The following MTHFD2 variants were observed in gnomAD, a reference collection of about 807,000 sequenced individuals.
MTHFD2 encodes methylenetetrahydrofolate dehydrogenase (NADP+ dependent) 2, methenyltetrahydrofolate cyclohydrolase, also known as bifunctional methylenetetrahydrofolate dehydrogenase/cyclohydrolase, mitochondrial.
In MTHFD2, 26 loss-of-function variants were observed where a neutral mutation model predicts 36.8. That is an observed-to-expected ratio of 0.71 (90% CI 0.52 to 0.98). MTHFD2 has a LOEUF of 0.98. MTHFD2 is among the 50% of genes least tolerant of loss of function. The probability of loss-of-function intolerance (pLI) is 0.00; values close to 1 mark genes in which losing one functional copy is unlikely to be tolerated. For missense variants in MTHFD2, 373 were observed against 434.0 expected, an observed-to-expected ratio of 0.86 and a Z score of 1.25; for synonymous variants, 164 against 155.2, an observed-to-expected ratio of 1.06 and a Z score of -0.42.
chr2:74,212,369 G>A (rs1005223878), intron 7 of MTHFD2, among the ~76,000 whole-genome samples: 11 of 144,446 alleles, frequency 7.6e-5, no homozygotes, highest in African/African-American at 2.3e-4. Context: ...AGCTTCAAGC[G>A]ATTCTTGTGC....
intron 5 of MTHFD2, among the ~76,000 whole-genome samples, chr2:74,210,790 T>TTG (rs1256009719): frequency 1.3e-5 from 2 of 150,206 alleles, no homozygotes; most frequent in African/African-American, 4.9e-5. Context: ...AGTCAGTTTT[T>TTG]TTTTTTTTTT....
intron 1 of MTHFD2, among the ~76,000 whole-genome samples, chr2:74,202,899 A>G (rs150283293): frequency 2.6e-5 from 4 of 152,294 alleles, no homozygotes; most frequent in African/African-American, 9.6e-5. Context: ...TATGTTTTCA[A>G]TTTCTTCATA....
intron 4 of MTHFD2, 101 bp downstream of exon 4, chr2:74,208,822 C>T: frequency 8.2e-7 from 1 of 1,219,798 alleles, no homozygotes; most frequent in African/African-American, 1.5e-5. Context: ...AACCCTACTG[C>T]ATATCCTCTA....
intron 2 of MTHFD2, 122 bp downstream of exon 2, chr2:74,206,011 T>C: frequency 3.9e-6 from 4 of 1,032,954 alleles, no homozygotes; most frequent in Non-Finnish European, 5.6e-6. Context: ...CTAATGTGAT[T>C]GAACTGTATC....
In MTHFD2 at chr2:74,213,842, T is replaced by G. The variant is rs574285879; in HGVS notation, c.890-237T>G. ...CCCACACAGTTAACCTACTAGATAT[T>G]TCTTTAATAGATTTCTTTATAGGTT... On this transcript the variant is annotated intron_variant, in intron 7 of 7. Transcript: ENST00000394053. Among the ~76,000 whole-genome samples the G allele has an allele frequency of 2.9e-3, 448 of 152,352 alleles. 3 individuals carry two copies. The highest frequency in any genetic ancestry group is 4.7e-3 in the Non-Finnish European group (321 of 68,034).
At chr2:74,207,940 ACT>A (rs1377460790) in intron 3 of MTHFD2, 114 bp downstream of exon 3, 1 of 1,085,188 alleles carries the variant, frequency 9.2e-7, no homozygotes, top group Non-Finnish European at 1.3e-6. Flanking sequence ...TCCTTGTCTC[ACT>A]CTGTCACCCA....
In MTHFD2 at chr2:74,216,595, ACTTT is replaced by A; in HGVS notation, c.*2354_*2357del. 6.6e-6 allele frequency: 1 copy of A among 152,124 alleles called. No individual in the cohort carries two copies. Among genetic ancestry groups the A allele is most frequent in the African/African-American group, 2.4e-5 (1 of 41,414 alleles). 9.4% of individuals were successfully genotyped at this position (152,124 alleles called of 1,614,324 possible). On this transcript the variant is annotated 3_prime_UTR_variant, in exon 8 of 8. Transcript: ENST00000394053. ...CCCAGGATTGGTGTGGATGATAAAT[ACTTT>A]TTTTAAAAATTAATTATTATTGTTT...
intron 5 of MTHFD2, among the ~76,000 whole-genome samples, chr2:74,210,994 C>T (rs147190396): frequency 1.6e-3 from 244 of 152,292 alleles, no homozygotes; most frequent in African/African-American, 5.7e-3. Flanking sequence ...ACCATGTTGG[C>T]CAGGTTGGCC....
Position 74,207,843 on chromosome 2 carries a change from AT to A in MTHFD2, c.409+20del, listed in dbSNP as rs1005394200. On this transcript the variant is annotated intron_variant, in intron 3 of 7. Transcript: ENST00000394053. ...CTCTTCCAGGTGAGTTTTGGACTCC[AT>A]TTAACATGATTGCTGCTGCTTCTGC... The A allele has an allele frequency of 6.4e-7, 1 of 1,573,454 alleles. No homozygotes were observed. The highest frequency in any genetic ancestry group is 8.7e-7 in the Non-Finnish European group (1 of 1,149,546).
intron 2 of MTHFD2, chr2:74,206,288 C>T (rs1694177817): frequency 6.3e-6 from 1 of 159,156 alleles, no homozygotes; most frequent in South Asian, 1.8e-4. Context: ...TATTAGGTGA[C>T]CTCAGTGATG....
intron 4 of MTHFD2, among the ~76,000 whole-genome samples, chr2:74,209,115 C>T (rs753411822): frequency 6.6e-6 from 1 of 152,194 alleles, no homozygotes; most frequent in Non-Finnish European, 1.5e-5. Context: ...AGGTGATCCG[C>T]CCCCTCAGCC....
At chr2:74,201,192 TGGCC>T (rs1694035075) in intron 1 of MTHFD2, among the ~76,000 whole-genome samples, 1 of 152,086 alleles carries the variant, frequency 6.6e-6, no homozygotes, top group African/African-American at 2.4e-5. Flanking sequence ...TTCACCATGT[TGGCC>T]AGGCTGGTCT....
At chr2:74,207,895 T>G in intron 3 of MTHFD2, 69 bp downstream of exon 3, 2 of 1,454,540 alleles carry the variant, frequency 1.4e-6, no homozygotes, top group Non-Finnish European at 1.9e-6. Flanking sequence ...TCCCTCTCTC[T>G]CTCCCTCCCC....
At position 74,214,469 on chromosome 2, in the gene MTHFD2, C is replaced by A; in HGVS notation, c.*227C>A. On this transcript the variant is annotated 3_prime_UTR_variant, in exon 8 of 8. Transcript: ENST00000394053. ...GTCCTGTGATCTAGCCAGGAGCAGC[C>A]ATTAACCTAGTGATTAATATGGGAG... 3.0e-6 allele frequency: 1 copy of A among 331,548 alleles called. No individual in the cohort carries two copies. Among genetic ancestry groups the A allele is most frequent in the Non-Finnish European group, 5.6e-6 (1 of 179,342 alleles). The allele number at this position is 331,548 out of a possible 1,614,324, so 20.5% of individuals were successfully genotyped here.
Position 74,205,685 on chromosome 2 carries a change from G to A in MTHFD2, c.102-20G>A. Reference sequence around the variant, plus strand: ...AAAAATTCAAGTTATTTGGTTTTGTGACTCTGTTGCCTTCTGCAGAAATGA... The same window carrying A: ...AAAAATTCAAGTTATTTGGTTTTGTAACTCTGTTGCCTTCTGCAGAAATGA... On this transcript the variant is annotated intron_variant, in intron 1 of 7. Transcript: ENST00000394053. 6.2e-7 allele frequency: 1 copy of A among 1,610,710 alleles called. No individual in the cohort carries two copies. Among genetic ancestry groups the A allele is most frequent in the Non-Finnish European group, 8.5e-7 (1 of 1,178,366 alleles).
intron 1 of MTHFD2, among the ~76,000 whole-genome samples, chr2:74,201,575 C>T (rs1261123921): frequency 1.3e-5 from 2 of 151,718 alleles, no homozygotes; most frequent in African/African-American, 2.4e-5. Context: ...ATGTTGCCCA[C>T]GCTAGTCTTG....
chr2:74,211,709 A>G, intron 6 of MTHFD2, 32 bp from the exon 7 acceptor site: 2 of 1,591,958 alleles, frequency 1.3e-6, no homozygotes, highest in Non-Finnish European at 1.7e-6. Flanking sequence ...TGTTTTCAGT[A>G]CTAAGTTGAT....
Position 74,215,173 on chromosome 2 carries a change from G to A in MTHFD2, c.*931G>A, listed in dbSNP as rs1694406211. 1 of 152,652 alleles carries A rather than the reference G, an allele frequency of 6.6e-6. No individual in the cohort carries two copies. The highest frequency in any genetic ancestry group is 2.1e-4 in the South Asian group (1 of 4,822). 9.5% of individuals were successfully genotyped at this position (152,652 alleles called of 1,614,324 possible). ...TGCTTTTCTGTGATGTATGTATCCT[G>A]TTGACTTTTCCAGAAATTTTTTAAG... On this transcript the variant is annotated 3_prime_UTR_variant, in exon 8 of 8. Coordinates refer to ENST00000394053, the MANE Select transcript of MTHFD2 (RefSeq NM_006636.4).
chr2:74,202,445 A>C (rs965282750), intron 1 of MTHFD2, among the ~76,000 whole-genome samples: 1 of 152,172 alleles, frequency 6.6e-6, no homozygotes, highest in Non-Finnish European at 1.5e-5. Context: ...TGGGCATTCC[A>C]GGTACTAATA....
Sources: allele counts gnomAD v4.1 joint callset (sites outside exome capture counted in the v4.1 genomes callset), GRCh38; gene constraint gnomAD v4.1.1; transcripts MANE v1.5; gene names NCBI Gene and HGNC (gene_info 2026-07-23, HGNC 2026-07-21).